The following NKAIN2 variants were observed in gnomAD, a reference collection of about 807,000 sequenced individuals.
NKAIN2 encodes the protein sodium/potassium-transporting ATPase subunit beta-1-interacting protein 2.
In NKAIN2, 14 loss-of-function variants were observed where a neutral mutation model predicts 32.6. That is an observed-to-expected ratio of 0.43 (90% confidence interval 0.28 to 0.67). The LOEUF (loss-of-function observed/expected upper bound fraction) is 0.67, where lower values mean the gene tolerates loss of function less well. Ranked by LOEUF, NKAIN2 falls within the 30% of genes least tolerant of loss-of-function variation. The pLI is 0.17. For synonymous variants in NKAIN2, 80 were observed against 87.2 expected, an observed-to-expected ratio of 0.92 and a Z score of 0.46; for missense variants, 198 against 258.3, an observed-to-expected ratio of 0.77 and a Z score of 1.60.
chr6:123,873,009 G>T (rs564904413), intron 1 of NKAIN2, among the ~76,000 whole-genome samples: 1 of 152,098 alleles, frequency 6.6e-6, no homozygotes, highest in African/African-American at 2.4e-5. Context: ...CACTATTTTT[G>T]TTGTTGGAGT....
At chr6:123,819,780 G>T (rs1344212311) in intron 1 of NKAIN2, among the ~76,000 whole-genome samples, 1 of 152,134 alleles carries the variant, frequency 6.6e-6, no homozygotes, top group Non-Finnish European at 1.5e-5. Flanking sequence ...ATCTGTGCCA[G>T]TCCCCAAATT....
At position 124,297,177 on chromosome 6, in the gene NKAIN2, C is replaced by T. The variant is rs532582498; in HGVS notation, c.192+14035C>T. ...CATAGGGGTTAGGGATGCTGACCCA[C>T]ACACAGTCAAAAATCTGCATATAAG... On this transcript the variant is annotated intron_variant, in intron 2 of 6. Transcript: ENST00000368417. 2.6e-5 allele frequency among the ~76,000 whole-genome samples: 4 copies of T among 152,250 alleles called. No individual in the cohort carries two copies. In the East Asian group the frequency reaches 7.7e-4, roughly 29 times the overall value.
chr6:124,307,753 A>C (rs1258933279), intron 2 of NKAIN2, among the ~76,000 whole-genome samples: 1 of 152,204 alleles, frequency 6.6e-6, no homozygotes, highest in Non-Finnish European at 1.5e-5. Flanking sequence ...TACTTTTAAA[A>C]AATGAAAGCA....
intron 1 of NKAIN2, among the ~76,000 whole-genome samples, chr6:123,903,384 A>C (rs1774698333): frequency 6.6e-6 from 1 of 152,162 alleles, no homozygotes; most frequent in Admixed American, 6.5e-5. Context: ...TAGTTACCTG[A>C]AGTAATGCTA....
intron 3 of NKAIN2, among the ~76,000 whole-genome samples, chr6:124,628,164 T>C (rs1026563086): frequency 1.3e-5 from 2 of 152,142 alleles, no homozygotes; most frequent in Admixed American, 6.6e-5. Flanking sequence ...CCCTCTTACA[T>C]CTCCTTCTAC....
chr6:123,875,544 G>T (rs993398391), intron 1 of NKAIN2, among the ~76,000 whole-genome samples: 2 of 151,874 alleles, frequency 1.3e-5, no homozygotes, highest in Admixed American at 6.6e-5. Context: ...GATTTGTAAG[G>T]TAGGTATCGT....
chr6:124,193,282 G>A (rs1226816241), intron 1 of NKAIN2, among the ~76,000 whole-genome samples: 1 of 152,196 alleles, frequency 6.6e-6, no homozygotes, highest in Non-Finnish European at 1.5e-5. Context: ...TGCCTGCCAA[G>A]GGCAAGCAGG....
intron 1 of NKAIN2, among the ~76,000 whole-genome samples, chr6:123,849,496 G>A (rs769121425): frequency 6.6e-6 from 1 of 152,172 alleles, no homozygotes; most frequent in Admixed American, 6.5e-5. Context: ...AAGCCAGGGG[G>A]ATAGAGTCTT....
chr6:123,853,997 T>C (rs1775459845), intron 1 of NKAIN2, among the ~76,000 whole-genome samples: 2 of 152,138 alleles, frequency 1.3e-5, no homozygotes, highest in South Asian at 4.1e-4. Flanking sequence ...GGTCTTGAAC[T>C]CCTGACCTCA....
At chr6:123,888,085 TCTAG>T (rs1164271225) in intron 1 of NKAIN2, among the ~76,000 whole-genome samples, 3 of 151,798 alleles carry the variant, frequency 2.0e-5, no homozygotes, top group Non-Finnish European at 4.4e-5. Context: ...AATATAAATA[TCTAG>T]AGTAAATTAA....
intron 1 of NKAIN2, among the ~76,000 whole-genome samples, chr6:123,967,302 T>C (rs1164182950): frequency 1.3e-5 from 2 of 152,214 alleles, no homozygotes; most frequent in Non-Finnish European, 2.9e-5. Flanking sequence ...CAAATACTCT[T>C]CAGGGGATAA....
chr6:124,715,104 G>A (rs916787848), intron 4 of NKAIN2, among the ~76,000 whole-genome samples: 1 of 152,308 alleles, frequency 6.6e-6, no homozygotes, highest in Middle Eastern at 3.4e-3. Context: ...ATTACCCCTT[G>A]TGGCAATTCC....
chr6:124,648,092 T>C (rs1330267726), intron 3 of NKAIN2, among the ~76,000 whole-genome samples: 3 of 152,096 alleles, frequency 2.0e-5, no homozygotes, highest in Non-Finnish European at 4.4e-5. Context: ...ACCATTGCAA[T>C]GGGAGAGAAG....
chr6:124,531,801 G>A (rs1360921092), intron 3 of NKAIN2, among the ~76,000 whole-genome samples: 1 of 152,148 alleles, frequency 6.6e-6, no homozygotes, highest in Non-Finnish European at 1.5e-5. Context: ...CTTCCAATTA[G>A]CTGGGACTAC....
intron 4 of NKAIN2, among the ~76,000 whole-genome samples, chr6:124,783,782 A>T (rs1319149390): frequency 1.3e-5 from 2 of 152,208 alleles, no homozygotes; most frequent in African/African-American, 4.8e-5. Flanking sequence ...ATGGAATAAG[A>T]TGAAAAAGAG....
chr6:124,347,393 T>C (rs954730889), intron 2 of NKAIN2, among the ~76,000 whole-genome samples: 43 of 151,206 alleles, frequency 2.8e-4, no homozygotes, highest in African/African-American at 1.0e-3. Context: ...CCTTGCTAGA[T>C]TGGGGAAGTT....
At chr6:124,800,778 G>T (rs1780220400) in intron 5 of NKAIN2, among the ~76,000 whole-genome samples, 1 of 152,168 alleles carries the variant, frequency 6.6e-6, no homozygotes, top group Non-Finnish European at 1.5e-5. Context: ...ATAATAAATG[G>T]TGACCAGACC....
At chr6:124,759,409 A>G (rs1366515189) in intron 4 of NKAIN2, among the ~76,000 whole-genome samples, 4 of 152,108 alleles carry the variant, frequency 2.6e-5, no homozygotes, top group Non-Finnish European at 5.9e-5. Context: ...TAACTAAAGG[A>G]TCTAGTCTAT....
chr6:124,798,129 CTGAT>C (rs1006754927), intron 5 of NKAIN2, among the ~76,000 whole-genome samples: 3 of 151,484 alleles, frequency 2.0e-5, no homozygotes, highest in African/African-American at 7.3e-5. Context: ...TTCCTCCCAT[CTGAT>C]TGTTAGGGCC....
Sources: allele counts gnomAD v4.1 joint callset (sites outside exome capture counted in the v4.1 genomes callset), GRCh38; gene constraint gnomAD v4.1.1; transcripts MANE v1.5; gene names NCBI Gene and HGNC (gene_info 2026-07-23, HGNC 2026-07-21).